Variants in TRERF1 observed in about 807,000 individuals in gnomAD.
The protein encoded by TRERF1 is transcriptional regulating factor 1, also known as transcriptional-regulating factor 1.
A neutral mutation model predicts 122.9 loss-of-function variants in TRERF1; 27 were observed. That is an observed-to-expected ratio of 0.22 (90% CI 0.16 to 0.30). TRERF1 has a LOEUF of 0.30. Among genes scored for constraint, TRERF1 ranks in the 10% least tolerant of loss-of-function variants. The pLI is 1.00. For missense variants in TRERF1, 1,248 were observed against 1,560.3 expected (o/e 0.80, Z 3.37); for synonymous variants, 636 against 641.7 (o/e 0.99, Z 0.13).
chr6:42,448,497 C>G (rs2151837971), intron 2 of TRERF1, among the ~76,000 whole-genome samples: 1 of 152,266 alleles, frequency 6.6e-6, no homozygotes, highest in East Asian at 1.9e-4. Context: ...TACCAAGGAT[C>G]AAATCCACTT....
At chr6:42,239,232 G>A (rs542544438) in intron 15 of TRERF1, among the ~76,000 whole-genome samples, 19 of 152,296 alleles carry the variant, frequency 1.2e-4, no homozygotes, top group African/African-American at 4.6e-4. Context: ...TGCCCTTGGA[G>A]CCCTGATTGC....
At chr6:42,261,906 AG>A (rs1777944037) in intron 8 of TRERF1, among the ~76,000 whole-genome samples, 2 of 152,006 alleles carry the variant, frequency 1.3e-5, no homozygotes, top group African/African-American at 2.4e-5. Flanking sequence ...TTGGCTACCC[AG>A]GTGTATTCTC....
intron 3 of TRERF1, among the ~76,000 whole-genome samples, chr6:42,321,424 T>C (rs1763435260): frequency 6.6e-6 from 1 of 151,566 alleles, no homozygotes. Flanking sequence ...AATGAGGATA[T>C]AATAACAGCA....
At chr6:42,243,384 G>A (rs1171711276) in intron 14 of TRERF1, 23 bp from the exon 15 acceptor site, 2 of 1,553,212 alleles carry the variant, frequency 1.3e-6, no homozygotes, top group Non-Finnish European at 8.9e-7. Context: ...CGAACTCAAG[G>A]TTAGCTCCAG....
At chr6:42,368,292 C>A (rs1384429238) in intron 2 of TRERF1, among the ~76,000 whole-genome samples, 1 of 152,118 alleles carries the variant, frequency 6.6e-6, no homozygotes, top group Non-Finnish European at 1.5e-5. Context: ...AGGACAGGTC[C>A]CTCTACCCCT....
chr6:42,347,613 C>T (rs80221047), intron 3 of TRERF1, among the ~76,000 whole-genome samples: 14,475 of 152,178 alleles, frequency 0.095, 1,053 homozygotes, highest in African/African-American at 0.2. Flanking sequence ...CCCCAGCCAC[C>T]GAGGCAAATA....
In TRERF1 at chr6:42,269,150, G is replaced by A; in HGVS notation, c.441C>T (p.Thr147=). 2.5e-6 allele frequency: 4 copies of A among 1,614,220 alleles called. No individual in the cohort carries two copies. The highest frequency in any genetic ancestry group is 1.3e-5 in the African/African-American group (1 of 75,048). ...GCAGGTTTTGGTTGGCAAACACCTGGGTGAAAGAGTCCAGCTTGTGTAAGA... is the reference window on the plus strand; with the variant it reads ...GCAGGTTTTGGTTGGCAAACACCTGAGTGAAAGAGTCCAGCTTGTGTAAGA... Residue 147 remains threonine, a synonymous_variant, in exon 5 of 18, where the codon ACC becomes ACT. Coordinates refer to ENST00000372922, the Ensembl canonical transcript of TRERF1. This position sits in a 1 kb window ranked among gnomAD's most constrained non-coding sequence, Gnocchi z 4.9.
At chr6:42,329,608 C>T (rs1343280680) in intron 3 of TRERF1, among the ~76,000 whole-genome samples, 2 of 151,998 alleles carry the variant, frequency 1.3e-5, no homozygotes, top group Non-Finnish European at 2.9e-5. Context: ...TCAGGTCCAG[C>T]GAATATATAG....
Position 42,236,181 on chromosome 6 carries a change from C to T in TRERF1, c.3066+24G>A, listed in dbSNP as rs999564406. 8 of 1,539,972 alleles carry T rather than the reference C, an allele frequency of 5.2e-6. No homozygotes were observed. The African/African-American group carries it at 1.1e-4, about 21-fold the overall frequency. ...ATATGGCTCTCACTTGTCCCAGATC[C>T]CCAGACGACACAGACACACTTACAG... On this transcript the variant is annotated intron_variant, in intron 16 of 17. Transcript: ENST00000372922.
intron 14 of TRERF1, among the ~76,000 whole-genome samples, chr6:42,243,717 A>G (rs1198827467): frequency 2.6e-5 from 4 of 151,454 alleles, no homozygotes; most frequent in Admixed American, 1.3e-4. Flanking sequence ...AGTAGCTGGG[A>G]CTACAGGCAT....
At chr6:42,431,787 A>G (rs527755240) in intron 2 of TRERF1, among the ~76,000 whole-genome samples, 1 of 152,132 alleles carries the variant, frequency 6.6e-6, no homozygotes, top group East Asian at 1.9e-4. Flanking sequence ...CTCAAGCTAT[A>G]AAGTGAGCCG....
intron 3 of TRERF1, among the ~76,000 whole-genome samples, chr6:42,324,480 T>C (rs528289302): frequency 3.9e-5 from 6 of 152,268 alleles, no homozygotes; most frequent in Admixed American, 2.6e-4. Context: ...GCTGAAGGCA[T>C]CACATTACCT....
intron 2 of TRERF1, among the ~76,000 whole-genome samples, chr6:42,395,447 G>A (rs1189606662): frequency 2.0e-5 from 3 of 152,174 alleles, no homozygotes; most frequent in African/African-American, 4.8e-5. Flanking sequence ...TGAGCCCGCA[G>A]GAAGGCTTTG....
intron 4 of TRERF1, among the ~76,000 whole-genome samples, chr6:42,277,963 GAA>G (rs1781578729): frequency 6.8e-6 from 1 of 146,930 alleles, no homozygotes; most frequent in Non-Finnish European, 1.5e-5. Context: ...AGAAGAAGAA[GAA>G]GAAGAAGAAG....
intron 4 of TRERF1, among the ~76,000 whole-genome samples, chr6:42,284,754 G>C (rs145755742): frequency 6.6e-6 from 1 of 152,142 alleles, no homozygotes; most frequent in Admixed American, 6.5e-5. Context: ...TTCCACCTGC[G>C]TGTGAGTGTG....
At chr6:42,262,756 A>G (rs1013999267) in intron 8 of TRERF1, among the ~76,000 whole-genome samples, 1 of 152,160 alleles carries the variant, frequency 6.6e-6, no homozygotes, top group Non-Finnish European at 1.5e-5. Context: ...TGGGAACTTT[A>G]ACGAATTAGG....
At chr6:42,308,381 T>C (rs938992570) in intron 3 of TRERF1, among the ~76,000 whole-genome samples, 3 of 152,174 alleles carry the variant, frequency 2.0e-5, no homozygotes, top group Admixed American at 2.0e-4. Context: ...GGTCACATAG[T>C]GTACGGTTCC....
intron 3 of TRERF1, among the ~76,000 whole-genome samples, chr6:42,327,566 T>A (rs1334670528): frequency 6.6e-6 from 1 of 152,200 alleles, no homozygotes; most frequent in Non-Finnish European, 1.5e-5. Flanking sequence ...CCCATTAACC[T>A]CCCTTAGGAC....
At chr6:42,254,891 G>C in exon 13 of TRERF1, 1 of 1,614,196 alleles carries the variant, frequency 6.2e-7, no homozygotes, top group Non-Finnish European at 8.5e-7. Context: ...ATTTTAACCT[G>C]ACAGGCTTCC....
Sources: allele counts gnomAD v4.1 joint callset (sites outside exome capture counted in the v4.1 genomes callset), GRCh38; gene constraint gnomAD v4.1.1; non-coding constraint Gnocchi (gnomAD v3.1); transcripts MANE v1.5; gene names NCBI Gene and HGNC (gene_info 2026-07-23, HGNC 2026-07-21).